The following RBFOX3 variants were observed in gnomAD, a reference collection of about 807,000 sequenced individuals.
RBFOX3 encodes the protein RNA binding protein fox-1 homolog 3.
Under a neutral mutation model 48.7 loss-of-function variants are expected in RBFOX3, and 17 were observed. The observed-to-expected ratio is 0.35, with a 90% confidence interval of 0.24 to 0.52. The LOEUF (loss-of-function observed/expected upper bound fraction) is 0.52, where lower values mean the gene tolerates loss of function less well. RBFOX3 is among the 20% of genes least tolerant of loss of function. RBFOX3 has a pLI of 0.94. For synonymous variants in RBFOX3, 212 were observed against 209.5 expected, an observed-to-expected ratio of 1.01 and a Z score of -0.10; for missense variants, 382 against 497.5, an observed-to-expected ratio of 0.77 and a Z score of 2.21.
chr17:79,250,705 C>T (rs1162955878), intron 3 of RBFOX3, among the ~76,000 whole-genome samples: 2 of 152,164 alleles, frequency 1.3e-5, no homozygotes, highest in Non-Finnish European at 2.9e-5. Context: ...TGCAAGACTC[C>T]CTTCGGCAGC....
chr17:79,623,041 T>A, the RBFOX3 span, among the ~76,000 whole-genome samples: 1 of 152,096 alleles, frequency 6.6e-6, no homozygotes, highest in Admixed American at 6.6e-5. Context: ...CCTACACTCA[T>A]GTACACCTGA....
At chr17:79,621,717 CAG>C in the RBFOX3 span, among the ~76,000 whole-genome samples, 2 of 152,164 alleles carry the variant, frequency 1.3e-5, no homozygotes, top group Non-Finnish European at 1.5e-5. Context: ...CTGCAGGACT[CAG>C]GGGCACGTGG....
intron 2 of RBFOX3, among the ~76,000 whole-genome samples, chr17:79,369,431 T>A (rs989972924): frequency 7.2e-5 from 11 of 151,992 alleles, no homozygotes; most frequent in Non-Finnish European, 1.6e-4. Flanking sequence ...TTCGGAGGGT[T>A]TGCTGTTTTC....
Position 79,423,317 on chromosome 17 carries a change from C to A in RBFOX3, c.-175+59137G>T, listed in dbSNP as rs1363775767. On this transcript the variant is annotated intron_variant, in intron 2 of 14. Coordinates refer to ENST00000693108, the MANE Select transcript of RBFOX3 (RefSeq NM_001350451.2). The surrounding 1 kb of genome is among the most constrained non-coding windows in gnomAD (Gnocchi z 4.9). The stretch of plus-strand genomic sequence containing the variant: ...CGCCACGCCCCCATCGACCAGGATG[C>A]CAGGAGCCAGGATGATTCTGCTTTC... Among the ~76,000 whole-genome samples, 1 of 152,178 alleles carries A rather than the reference C, an allele frequency of 6.6e-6. No homozygotes were observed. The highest frequency in any genetic ancestry group is 1.5e-5 in the Non-Finnish European group (1 of 68,026).
At chr17:79,438,081 T>C (rs782433625) in intron 2 of RBFOX3, among the ~76,000 whole-genome samples, 21 of 136,944 alleles carry the variant, frequency 1.5e-4, no homozygotes, top group Admixed American at 5.5e-4. Flanking sequence ...CATGTATACA[T>C]GCACACACAC....
At chr17:79,579,268 G>A (rs1332673794) in intron 1 of RBFOX3, among the ~76,000 whole-genome samples, 2 of 135,398 alleles carry the variant, frequency 1.5e-5, no homozygotes, top group African/African-American at 5.9e-5. Flanking sequence ...GGTTGACACG[G>A]GTGCTGGCTC....
At chr17:79,173,399 A>T (rs1649065811) in intron 4 of RBFOX3, among the ~76,000 whole-genome samples, 1 of 152,166 alleles carries the variant, frequency 6.6e-6, no homozygotes, top group Non-Finnish European at 1.5e-5. Flanking sequence ...TAAAGGCATT[A>T]ACACTGGAGA....
rs367788624 is a variant in RBFOX3 at position 79,512,709 on chromosome 17, A to C, written c.-319-30111T>G. ...ACCATCGGGTACAGCCCCATGGCCA[A>C]GGGACACCCACCCGGATACGTGTTA... On this transcript the variant is annotated intron_variant, in intron 1 of 14. Transcript: ENST00000693108. Among the ~76,000 whole-genome samples the C allele has an allele frequency of 1.2e-4, 2 of 16,680 alleles. 1 individual carries two copies. The highest frequency in any genetic ancestry group is 6.3e-4 in the African/African-American group (2 of 3,164). 10.9% of individuals were successfully genotyped at this position (16,680 alleles called of 152,430 possible).
At chr17:79,171,048 T>C (rs1383005356) in intron 4 of RBFOX3, among the ~76,000 whole-genome samples, 1 of 152,204 alleles carries the variant, frequency 6.6e-6, no homozygotes, top group African/African-American at 2.4e-5. Flanking sequence ...CTTATTCCTT[T>C]TAGATCTGAG....
At chr17:79,647,606 C>A in the RBFOX3 span, among the ~76,000 whole-genome samples, 1 of 152,160 alleles carries the variant, frequency 6.6e-6, no homozygotes, top group Non-Finnish European at 1.5e-5. Context: ...GCCCCGGGAG[C>A]CTGGGGCCAT....
the RBFOX3 span, among the ~76,000 whole-genome samples, chr17:79,658,176 CAG>C: frequency 1.3e-5 from 2 of 152,130 alleles, no homozygotes; most frequent in Non-Finnish European, 2.9e-5. Context: ...AGAAAGAAAA[CAG>C]AGGATGACTT....
At chr17:79,256,922 A>AAAAC (rs769201611) in intron 3 of RBFOX3, among the ~76,000 whole-genome samples, 1 of 149,970 alleles carries the variant, frequency 6.7e-6, no homozygotes, top group Non-Finnish European at 1.5e-5. Context: ...ACACCATCTC[A>AAAAC]AAACAAACAA....
intron 4 of RBFOX3, among the ~76,000 whole-genome samples, chr17:79,225,489 C>T (rs759586842): frequency 6.6e-6 from 1 of 152,162 alleles, no homozygotes; most frequent in Non-Finnish European, 1.5e-5. Flanking sequence ...CGGGATTTCA[C>T]CATGTTGCCC....
intron 4 of RBFOX3, among the ~76,000 whole-genome samples, chr17:79,131,662 T>C (rs1289443000): frequency 6.6e-6 from 1 of 152,268 alleles, no homozygotes; most frequent in Admixed American, 6.5e-5. Flanking sequence ...GTTTCCTTCA[T>C]AATAATCTGT....
At chr17:79,495,142 C>T (rs2081250455) in intron 1 of RBFOX3, among the ~76,000 whole-genome samples, 1 of 151,742 alleles carries the variant, frequency 6.6e-6, no homozygotes, top group Admixed American at 6.6e-5. Flanking sequence ...TTCCCGGTCC[C>T]CTCGAGGATC....
At chr17:79,197,844 C>T (rs1210371474) in intron 4 of RBFOX3, among the ~76,000 whole-genome samples, 1 of 152,092 alleles carries the variant, frequency 6.6e-6, no homozygotes, top group Non-Finnish European at 1.5e-5. Context: ...CCAATCTAAC[C>T]TCCCAAACCA....
chr17:79,546,132 T>G (rs1304421006), intron 1 of RBFOX3, among the ~76,000 whole-genome samples: 1 of 152,228 alleles, frequency 6.6e-6, no homozygotes, highest in Non-Finnish European at 1.5e-5. Context: ...ATAGCCACAG[T>G]CTGGACCCCA....
chr17:79,631,653 G>T, the RBFOX3 span, among the ~76,000 whole-genome samples: 1 of 152,132 alleles, frequency 6.6e-6, no homozygotes, highest in East Asian at 1.9e-4. Context: ...TCTTCTCACC[G>T]CAGTGTCTCA....
chr17:79,448,602 C>T (rs1441231647), intron 2 of RBFOX3, among the ~76,000 whole-genome samples: 1 of 152,164 alleles, frequency 6.6e-6, no homozygotes, highest in Non-Finnish European at 1.5e-5. Flanking sequence ...GAGCACAGCC[C>T]TGCCCACACC....
Sources: allele counts gnomAD v4.1 joint callset (sites outside exome capture counted in the v4.1 genomes callset), GRCh38; gene constraint gnomAD v4.1.1; non-coding constraint Gnocchi (gnomAD v3.1); transcripts MANE v1.5; gene names NCBI Gene and HGNC (gene_info 2026-07-23, HGNC 2026-07-21).